PRMT7: variants seen among roughly 807,000 people sequenced by gnomAD.
PRMT7 encodes protein arginine methyltransferase 7, also known as protein arginine N-methyltransferase 7.
In PRMT7, 75 loss-of-function variants were observed where a neutral mutation model predicts 85.4. That is an observed-to-expected ratio of 0.88 (90% CI 0.73 to 1.06). The LOEUF (loss-of-function observed/expected upper bound fraction) is 1.06, where lower values mean the gene tolerates loss of function less well. PRMT7 is among the 50% of genes least tolerant of loss of function. The pLI, the probability that PRMT7 is intolerant of heterozygous loss-of-function variation, is 0.00. For synonymous variants in PRMT7, 397 were observed against 359.5 expected (o/e 1.10, Z -1.18); for missense variants, 868 against 915.2 (o/e 0.95, Z 0.67).
intron 16 of PRMT7, 83 bp downstream of exon 16, chr16:68,353,649 C>T (rs1169954709): frequency 1.6e-5 from 21 of 1,344,842 alleles, no homozygotes; most frequent in Non-Finnish European, 2.0e-5. Flanking sequence ...TTGGGCAGCA[C>T]AGGCTCTTCT....
intron 12 of PRMT7, 104 bp downstream of exon 12, chr16:68,347,398 A>G (rs945835667): frequency 8.1e-7 from 1 of 1,241,322 alleles, no homozygotes; most frequent in Non-Finnish European, 1.1e-6. Flanking sequence ...TGCAAAGGCC[A>G]CTGTTGTGGG....
intron 13 of PRMT7, 82 bp from the exon 14 acceptor site, chr16:68,348,260 A>C: frequency 8.6e-7 from 1 of 1,162,896 alleles, no homozygotes; most frequent in Non-Finnish European, 1.3e-6. Flanking sequence ...AAAGCGGAGA[A>C]TGCAACTTTG....
At chr16:68,326,539 C>T (rs1794569506) in intron 5 of PRMT7, among the ~76,000 whole-genome samples, 1 of 152,200 alleles carries the variant, frequency 6.6e-6, no homozygotes, top group African/African-American at 2.4e-5. Context: ...AATCACTGCG[C>T]CCTGCCTTGT....
At chr16:68,348,529 A>G (rs1182254058) in intron 14 of PRMT7, 98 bp downstream of exon 14, 4 of 928,648 alleles carry the variant, frequency 4.3e-6, no homozygotes, top group East Asian at 5.3e-5. Context: ...GGAGTCTCAC[A>G]GTGGGTCCTC....
rs1341585933 is a variant in PRMT7 at position 68,357,708 on chromosome 16, G to A, written c.*484G>A. The A allele has an allele frequency of 2.3e-5, 1 of 43,702 alleles. No individual in the cohort carries two copies. Among genetic ancestry groups the A allele is most frequent in the Non-Finnish European group, 4.2e-5 (1 of 24,030 alleles). The allele number at this position is 43,702 out of a possible 1,614,324, so 2.7% of individuals were successfully genotyped here. A position where few individuals can be genotyped will look rare whatever the true frequency, so the allele number is the denominator to read the frequency against. On this transcript the variant is annotated 3_prime_UTR_variant, in exon 19 of 19. Transcript: ENST00000441236. ...TGCTGAGTTGTGGCTGGGTCTCTGG[G>A]GCTTGAAGACCCTGGCTGGGCCCGG...
chr16:68,337,324 C>T (rs570659818), intron 6 of PRMT7, 135 bp from the exon 7 acceptor site: 50 of 569,898 alleles, frequency 8.8e-5, no homozygotes, highest in African/African-American at 6.5e-4. Context: ...GACATCCTGA[C>T]ACTTCTGAAT....
intron 12 of PRMT7, 110 bp from the exon 13 acceptor site, chr16:68,347,521 G>C (rs1479895529): frequency 3.2e-6 from 4 of 1,242,974 alleles, no homozygotes; most frequent in Non-Finnish European, 4.7e-6. Flanking sequence ...GGGCAGGGAG[G>C]GTTGTTCAGG....
At chr16:68,340,839 A>T (rs1354903425) in intron 9 of PRMT7, among the ~76,000 whole-genome samples, 3 of 152,242 alleles carry the variant, frequency 2.0e-5, no homozygotes, top group Non-Finnish European at 4.4e-5. Context: ...AAAGGCCACT[A>T]GCAGGGATCA....
chr16:68,331,284 C>T (rs1167284417), intron 6 of PRMT7, among the ~76,000 whole-genome samples: 3 of 151,716 alleles, frequency 2.0e-5, no homozygotes, highest in Admixed American at 6.6e-5. Flanking sequence ...CTTGGGGGTC[C>T]GTTCTTTTGT....
intron 6 of PRMT7, among the ~76,000 whole-genome samples, chr16:68,332,907 A>G (rs2084107884): frequency 6.6e-6 from 1 of 152,194 alleles, no homozygotes; most frequent in African/African-American, 2.4e-5. Flanking sequence ...CACTTGTTTC[A>G]TATATTTTGC....
rs913993733 is a variant in PRMT7, at chr16:68,342,091, A to C, written c.927+2123A>C. Among the ~76,000 whole-genome samples the C allele has an allele frequency of 4.6e-5, 7 of 152,190 alleles. 1 individual carries two copies. The highest frequency in any genetic ancestry group is 1.5e-5 in the Non-Finnish European group (1 of 68,034). On this transcript the variant is annotated intron_variant, in intron 9 of 18. Transcript: ENST00000441236. Reference sequence around the variant, plus strand: ...TCAGGAGTTCGAGACCAGCCTGGCCAACATGGAGAAACCCCACTTCTACTA... The same window carrying C: ...TCAGGAGTTCGAGACCAGCCTGGCCCACATGGAGAAACCCCACTTCTACTA...
intron 2 of PRMT7, among the ~76,000 whole-genome samples, chr16:68,313,351 C>T (rs926518035): frequency 6.6e-6 from 1 of 152,222 alleles, no homozygotes; most frequent in African/African-American, 2.4e-5. Context: ...GACTCTTAAC[C>T]TTGAAGTGAC....
chr16:68,345,659 CTG>C lies in PRMT7; in HGVS notation c.928-14_928-13del. Reference sequence around the variant, plus strand: ...TACTGCAGCTCGTTGACAGCTGACTCTGTTCTCCGTTTCAGTGGCGGGACCAC... The same window carrying C: ...TACTGCAGCTCGTTGACAGCTGACTCTTCTCCGTTTCAGTGGCGGGACCAC... On this transcript the variant is annotated splice_polypyrimidine_tract_variant and intron_variant, in intron 9 of 18. Transcript: ENST00000441236. 2 of 1,613,210 alleles carry C rather than the reference CTG, an allele frequency of 1.2e-6. No individual in the cohort carries two copies. The highest frequency in any genetic ancestry group is 1.7e-6 in the Non-Finnish European group (2 of 1,179,952).
chr16:68,335,147 A>G (rs2084473288), intron 6 of PRMT7, among the ~76,000 whole-genome samples: 1 of 152,194 alleles, frequency 6.6e-6, no homozygotes, highest in African/African-American at 2.4e-5. Flanking sequence ...ATTTTAAGTT[A>G]TATAATTGGT....
At chr16:68,331,558 C>T (rs1347590029) in intron 6 of PRMT7, among the ~76,000 whole-genome samples, 1 of 150,670 alleles carries the variant, frequency 6.6e-6, no homozygotes, top group Non-Finnish European at 1.5e-5. Flanking sequence ...GCTTTGACCT[C>T]CTGGGCTCAA....
chr16:68,328,992 T>G, intron 5 of PRMT7, 74 bp from the exon 6 acceptor site: 1 of 999,410 alleles, frequency 1.0e-6, no homozygotes, highest in South Asian at 1.3e-5. Flanking sequence ...AAGGAATAGC[T>G]TGCTCACCTT....
chr16:68,355,718 C>T lies in PRMT7; in HGVS notation c.1651-5C>T, dbSNP rs78061063. The T allele has an allele frequency of 4.2e-3, 6,603 of 1,576,824 alleles. 256 individuals are homozygous for T. The African/African-American group carries it at 0.077, about 18-fold the overall frequency. On this transcript the variant is annotated splice_region_variant and splice_polypyrimidine_tract_variant and intron_variant, in intron 16 of 18. Coordinates refer to ENST00000441236, the MANE Select transcript of PRMT7 (RefSeq NM_019023.5). ...TGCAGCCCCCAGGCCCCCTTCTGTT[C>T]GCAGCGTGCCCTGGACTTCAGGGAG...
chr16:68,356,663 G>A, intron 17 of PRMT7, 38 bp from the exon 18 acceptor site: 1 of 1,535,050 alleles, frequency 6.5e-7, no homozygotes, highest in Non-Finnish European at 8.9e-7. Flanking sequence ...GCTGCCTCTT[G>A]TGTGACTACT....
chr16:68,329,355 A>C (rs2151562722), intron 6 of PRMT7, 181 bp downstream of exon 6: 2 of 502,308 alleles, frequency 4.0e-6, no homozygotes, highest in Non-Finnish European at 7.3e-6. Context: ...AGTTAAAACT[A>C]GTCAACAAGG....
Sources: allele counts gnomAD v4.1 joint callset (sites outside exome capture counted in the v4.1 genomes callset), GRCh38; gene constraint gnomAD v4.1.1; transcripts MANE v1.5; gene names NCBI Gene and HGNC (gene_info 2026-07-23, HGNC 2026-07-21).